The following GPC5 variants were observed in gnomAD, a reference collection of about 807,000 sequenced individuals.
GPC5 encodes the protein glypican-5.
In GPC5, 47 loss-of-function variants were observed where a neutral mutation model predicts 53.9. That is an observed-to-expected ratio of 0.87 (90% CI 0.69 to 1.11). The LOEUF (loss-of-function observed/expected upper bound fraction) is 1.11, where lower values mean the gene tolerates loss of function less well. GPC5 is among the 50% of genes most tolerant of loss of function. The pLI is 0.00. For synonymous variants in GPC5, 286 were observed against 263.3 expected, an observed-to-expected ratio of 1.09 and a Z score of -0.84; for missense variants, 748 against 713.1, an observed-to-expected ratio of 1.05 and a Z score of -0.56.
At chr13:91,801,388 G>T (rs1342628603) in intron 5 of GPC5, among the ~76,000 whole-genome samples, 2 of 151,876 alleles carry the variant, frequency 1.3e-5, no homozygotes, top group African/African-American at 4.8e-5. Context: ...ATTTACAATT[G>T]TTTCTTGGCC....
At chr13:91,563,208 A>G (rs1448880486) in intron 2 of GPC5, among the ~76,000 whole-genome samples, 1 of 152,174 alleles carries the variant, frequency 6.6e-6, no homozygotes, top group Admixed American at 6.6e-5. Context: ...ATTCATGGAG[A>G]CTATATTTAG....
At chr13:92,607,118 G>T (rs957414161) in intron 7 of GPC5, among the ~76,000 whole-genome samples, 6 of 152,032 alleles carry the variant, frequency 3.9e-5, no homozygotes, top group Non-Finnish European at 8.8e-5. Flanking sequence ...CCAGCTATGT[G>T]GAAAATGTAT....
Position 91,711,673 on chromosome 13 carries a change from A to T in GPC5, c.1021-16859A>T, listed in dbSNP as rs192785656. 4.6e-4 allele frequency among the ~76,000 whole-genome samples: 70 copies of T among 152,338 alleles called. 1 individual carries two copies. The East Asian group carries it at 0.013, about 27-fold the overall frequency. On this transcript the variant is annotated intron_variant, in intron 3 of 7. Coordinates refer to ENST00000377067, the MANE Select transcript of GPC5 (RefSeq NM_004466.6). Reference sequence around the variant, plus strand: ...GTATTAAGTAAAGCATTTCCAGTATATATTTAACCAAGAAGCCCATTTTTG... The same window carrying T: ...GTATTAAGTAAAGCATTTCCAGTATTTATTTAACCAAGAAGCCCATTTTTG...
At chr13:92,029,590 T>A (rs560194721) in intron 6 of GPC5, among the ~76,000 whole-genome samples, 21 of 152,358 alleles carry the variant, frequency 1.4e-4, no homozygotes, top group Admixed American at 1.2e-3. Flanking sequence ...ATGGGTAAAC[T>A]CTTGACACCC....
intron 7 of GPC5, among the ~76,000 whole-genome samples, chr13:92,807,252 C>T (rs1007447117): frequency 7.2e-5 from 11 of 151,988 alleles, no homozygotes; most frequent in East Asian, 1.9e-4. Context: ...GTACCTAAAA[C>T]CAGAATTTAA....
intron 7 of GPC5, among the ~76,000 whole-genome samples, chr13:92,385,310 C>CTA (rs1272454633): frequency 1.1e-4 from 15 of 141,704 alleles, no homozygotes; most frequent in East Asian, 6.1e-4. Flanking sequence ...TAGGCACTTC[C>CTA]TATATATATA....
intron 7 of GPC5, among the ~76,000 whole-genome samples, chr13:92,694,642 G>T (rs955539289): frequency 6.6e-6 from 1 of 152,190 alleles, no homozygotes; most frequent in Non-Finnish European, 1.5e-5. Flanking sequence ...CATCCTAGAA[G>T]TAACTAATTT....
chr13:91,808,784 C>T (rs2038264099), intron 5 of GPC5, among the ~76,000 whole-genome samples: 1 of 152,136 alleles, frequency 6.6e-6, no homozygotes. Context: ...ATTCCCCAGT[C>T]CCTGCCACTC....
chr13:91,604,348 A>G (rs2033284766), intron 2 of GPC5, among the ~76,000 whole-genome samples: 4 of 150,070 alleles, frequency 2.7e-5, no homozygotes, highest in Admixed American at 6.6e-5. Flanking sequence ...AATCCAGTCT[A>G]TCATTGTTGG....
Position 92,725,557 on chromosome 13 carries a change from G to C in GPC5, c.1562-140725G>C, listed in dbSNP as rs113264136. On this transcript the variant is annotated intron_variant, in intron 7 of 7. Transcript: ENST00000377067. ...TATACCTAGCCAAACTTTATCTTTA[G>C]AAATTATCCCTCAGTGAAATTGGAA... Among the ~76,000 whole-genome samples, 730 of 151,648 alleles carry C rather than the reference G, an allele frequency of 4.8e-3. 6 individuals are homozygous for C. The highest frequency in any genetic ancestry group is 0.017 in the Middle Eastern group (5 of 294).
chr13:92,691,501 T>C (rs1191609299), intron 7 of GPC5, among the ~76,000 whole-genome samples: 6 of 150,722 alleles, frequency 4.0e-5, no homozygotes, highest in Admixed American at 1.3e-4. Flanking sequence ...GTACCTCAGA[T>C]GGAAATGCAG....
chr13:92,479,510 G>A (rs1879272777), intron 7 of GPC5, among the ~76,000 whole-genome samples: 1 of 152,206 alleles, frequency 6.6e-6, no homozygotes, highest in African/African-American at 2.4e-5. Context: ...TGATGAAGTA[G>A]AAAATGCGAC....
intron 7 of GPC5, among the ~76,000 whole-genome samples, chr13:92,349,759 A>T (rs1438247403): frequency 1.3e-5 from 2 of 152,134 alleles, no homozygotes; most frequent in Admixed American, 1.3e-4. Context: ...AAATTTTCCC[A>T]TCGAAGAAAA....
intron 3 of GPC5, among the ~76,000 whole-genome samples, chr13:91,710,799 G>T (rs746582578): frequency 2.0e-5 from 3 of 152,126 alleles, no homozygotes; most frequent in Non-Finnish European, 4.4e-5. Flanking sequence ...TTTTAAAACT[G>T]CTTTTTTTGT....
chr13:91,668,024 G>C (rs1367712238), intron 2 of GPC5, among the ~76,000 whole-genome samples: 3 of 152,100 alleles, frequency 2.0e-5, no homozygotes, highest in Non-Finnish European at 4.4e-5. Context: ...TGTCTTTATT[G>C]AATGAGCTAT....
intron 7 of GPC5, among the ~76,000 whole-genome samples, chr13:92,512,249 T>TGTGCAC (rs3064762): frequency 6.7e-6 from 1 of 149,486 alleles, no homozygotes; most frequent in African/African-American, 2.5e-5. Context: ...TGTGTGTGTG[T>TGTGCAC]GCGCGCGCGC....
intron 7 of GPC5, among the ~76,000 whole-genome samples, chr13:92,174,700 A>G (rs2042097172): frequency 6.6e-6 from 1 of 152,236 alleles, no homozygotes; most frequent in African/African-American, 2.4e-5. Flanking sequence ...GGAATAAAAA[A>G]CAGATTAGTC....
chr13:91,683,687 T>A (rs1023264267), intron 2 of GPC5, among the ~76,000 whole-genome samples: 1 of 152,220 alleles, frequency 6.6e-6, no homozygotes, highest in African/African-American at 2.4e-5. Flanking sequence ...TCCAATATTT[T>A]AGTCTCTATC....
In GPC5 at chr13:92,231,507, T is replaced by C. The variant is rs73627753; in HGVS notation, c.1561+86518T>C. Among the ~76,000 whole-genome samples the C allele has an allele frequency of 6.1e-3, 929 of 152,208 alleles. 11 individuals carry two copies. Among genetic ancestry groups the C allele is most frequent in the African/African-American group, 0.021 (888 of 41,494 alleles). On this transcript the variant is annotated intron_variant, in intron 7 of 7. Coordinates refer to ENST00000377067, the MANE Select transcript of GPC5 (RefSeq NM_004466.6). ...CTAAAGAATCCCTCAGAAATTCCTCTTGAGATGAATTTAACTCTATCATTA... is the reference window on the plus strand; with the variant it reads ...CTAAAGAATCCCTCAGAAATTCCTCCTGAGATGAATTTAACTCTATCATTA...
Sources: gnomAD v4.1 joint callset for allele counts (sites outside exome capture counted in the v4.1 genomes callset) on GRCh38, gnomAD v4.1.1 for gene constraint, MANE v1.5 for transcripts, NCBI Gene and HGNC (gene_info 2026-07-23, HGNC 2026-07-21) for gene names.